TATDN1: variants seen among roughly 807,000 people sequenced by gnomAD.
TATDN1 encodes TatD DNase domain containing 1.
In TATDN1, 40 loss-of-function variants were observed where a neutral mutation model predicts 46.4. That is an observed-to-expected ratio of 0.86 (90% CI 0.67 to 1.12). TATDN1 has a LOEUF of 1.12. Ranked by LOEUF, TATDN1 falls within the 50% of genes most tolerant of loss-of-function variation. The pLI, the probability that TATDN1 is intolerant of heterozygous loss-of-function variation, is 0.00. For synonymous variants in TATDN1, 95 were observed against 105.6 expected (o/e 0.90, Z 0.62); for missense variants, 326 against 348.4 (o/e 0.94, Z 0.51).
chr8:124,533,784 C>A (rs1423407463), intron 1 of TATDN1, among the ~76,000 whole-genome samples: 1 of 151,838 alleles, frequency 6.6e-6, no homozygotes, highest in Non-Finnish European at 1.5e-5. Flanking sequence ...GTTTAGGGGG[C>A]TTAGAATTTT....
intron 1 of TATDN1, among the ~76,000 whole-genome samples, chr8:124,526,277 G>A (rs1487817103): frequency 1.3e-5 from 2 of 152,318 alleles, no homozygotes; most frequent in South Asian, 2.1e-4. Context: ...GTCCTCAACT[G>A]TTGTGCTTGA....
intron 1 of TATDN1, chr8:124,523,524 C>CT (rs1464255874): frequency 3.3e-5 from 5 of 152,220 alleles, no homozygotes; most frequent in African/African-American, 1.2e-4. Context: ...TCTCTGGGAT[C>CT]TGGATCTGCA....
chr8:124,504,212 G>T, intron 9 of TATDN1, 59 bp downstream of exon 9: 1 of 1,262,116 alleles, frequency 7.9e-7, no homozygotes, highest in Non-Finnish European at 1.1e-6. Context: ...TTCACTGTAA[G>T]ACAATTTAAG....
chr8:124,495,335 A>C (rs1239643431), intron 10 of TATDN1, 137 bp downstream of exon 10: 1 of 677,002 alleles, frequency 1.5e-6, no homozygotes, highest in Admixed American at 3.3e-5. Flanking sequence ...GATCTTCTGG[A>C]AAACATAATT....
rs1819432930 is a variant in TATDN1 at position 124,515,953 on chromosome 8, TTAAG to T, written c.276_279del (p.Tyr92Ter). ...TTTTCAGCAAGATTTAGCAACTCCT[TTAAG>T]TAAAGATCAGGGTTATTCTTTTCAA... is the stretch of plus-strand genomic sequence containing the variant. On this transcript the variant is annotated frameshift_variant, in exon 5 of 12. Coordinates refer to ENST00000276692, the MANE Select transcript of TATDN1 (RefSeq NM_032026.4). LOFTEE classifies it high-confidence loss of function. The T allele has an allele frequency of 6.2e-7, 1 of 1,613,878 alleles. No homozygotes were observed. The highest frequency in any genetic ancestry group is 1.3e-5 in the African/African-American group (1 of 74,918).
intron 4 of TATDN1, among the ~76,000 whole-genome samples, chr8:124,518,297 G>T (rs1819698632): frequency 1.3e-5 from 2 of 150,960 alleles, no homozygotes; most frequent in South Asian, 4.2e-4. Flanking sequence ...GGCTGAGGCG[G>T]GTGGATCACG....
rs186768037 is a variant in TATDN1 at position 124,534,062 on chromosome 8, C to T, written c.22+4963G>A. ...TCGGGAGGCTGAGGCAGGAGAATGG[C>T]GTGAACCTGGGAGGCGGAGCTTGCA... is the stretch of plus-strand genomic sequence containing the variant. On this transcript the variant is annotated intron_variant, in intron 1 of 11. Transcript: ENST00000276692. Among the ~76,000 whole-genome samples, 279 of 137,116 alleles carry T rather than the reference C, an allele frequency of 2.0e-3. 4 individuals carry two copies. The East Asian group carries it at 0.023, about 11-fold the overall frequency. 90.0% of individuals were successfully genotyped at this position (137,116 alleles called of 152,430 possible).
chr8:124,528,311 C>CT (rs1820676075), intron 1 of TATDN1, among the ~76,000 whole-genome samples: 1 of 151,992 alleles, frequency 6.6e-6, no homozygotes, highest in African/African-American at 2.4e-5. Flanking sequence ...GTAGCTGAGA[C>CT]TACAGGCGCC....
At chr8:124,522,251 C>T (rs763047172) in intron 2 of TATDN1, 51 bp from the exon 3 acceptor site, 1 of 1,058,710 alleles carries the variant, frequency 9.4e-7, no homozygotes, top group Non-Finnish European at 1.4e-6. Context: ...AAAAATTTGA[C>T]TTTTTTTTTT....
At position 124,500,777 on chromosome 8, in the gene TATDN1, C is replaced by T. The variant is rs1817895662; in HGVS notation, c.593+3494G>A. ...TTAAAAAAAAAAAAACAAAACCAAA[C>T]TTACAGGGAGAAAACCAGGATTTTT... On this transcript the variant is annotated intron_variant, in intron 9 of 11. Transcript: ENST00000276692. 3.4e-5 allele frequency among the ~76,000 whole-genome samples: 5 copies of T among 145,918 alleles called. No individual in the cohort carries two copies. The South Asian group carries it at 1.1e-3, about 32-fold the overall frequency.
intron 1 of TATDN1, among the ~76,000 whole-genome samples, chr8:124,525,578 A>C (rs549241151): frequency 2.0e-5 from 3 of 152,342 alleles, no homozygotes; most frequent in East Asian, 3.9e-4. Context: ...TCCTTCCAGC[A>C]ACAAAATGTG....
rs548738831 is a variant in TATDN1 at position 124,503,616 on chromosome 8, C to T, written c.593+655G>A. Reference sequence around the variant, plus strand: ...AAGGGTATGAGACAATGAAGAAGGACAGAAACTCCTATACTATTTTGCAAC... The same window carrying T: ...AAGGGTATGAGACAATGAAGAAGGATAGAAACTCCTATACTATTTTGCAAC... On this transcript the variant is annotated intron_variant, in intron 9 of 11. Transcript: ENST00000276692. 2.0e-5 allele frequency among the ~76,000 whole-genome samples: 3 copies of T among 152,268 alleles called. No homozygotes were observed. The South Asian group carries it at 6.2e-4, about 32-fold the overall frequency.
intron 4 of TATDN1, 52 bp from the exon 5 acceptor site, chr8:124,516,082 ATATT>A (rs1819446631): frequency 7.0e-7 from 1 of 1,429,898 alleles, no homozygotes; most frequent in African/African-American, 1.4e-5. Flanking sequence ...TCTCATATTT[ATATT>A]TATTATGATA....
intron 6 of TATDN1, among the ~76,000 whole-genome samples, chr8:124,510,169 T>C (rs1049662557): frequency 2.6e-5 from 4 of 152,202 alleles, no homozygotes; most frequent in Non-Finnish European, 5.9e-5. Context: ...GCAAAAATAT[T>C]TTCCTTTCAT....
intron 1 of TATDN1, among the ~76,000 whole-genome samples, chr8:124,529,284 T>C (rs981622759): frequency 6.6e-6 from 1 of 152,338 alleles, no homozygotes; most frequent in South Asian, 2.1e-4. Flanking sequence ...TGACTAATAG[T>C]GGCAAAGACT....
Position 124,499,930 on chromosome 8 carries a change from C to T in TATDN1, c.593+4341G>A, listed in dbSNP as rs538838787. On this transcript the variant is annotated intron_variant, in intron 9 of 11. Transcript: ENST00000276692. ...CATGATTTCGGCTCACTGAAACCTC[C>T]GCCTCCTGGGTTCAAACGATTCTCC... is the stretch of plus-strand genomic sequence containing the variant. 4.6e-5 allele frequency among the ~76,000 whole-genome samples: 7 copies of T among 151,558 alleles called. No individual in the cohort carries two copies. The East Asian group carries it at 5.8e-4, about 13-fold the overall frequency.
rs1338432047 is a variant in TATDN1, at chr8:124,535,710, A to G, written c.22+3315T>C. 4.1e-4 allele frequency among the ~76,000 whole-genome samples: 62 copies of G among 152,236 alleles called. 1 individual carries two copies. Among genetic ancestry groups the G allele is most frequent in the Admixed American group, 4.1e-3 (62 of 15,288 alleles). ...TGTATTAATCTGCTTTTGCATTGCT[A>G]TAAAGGAATACCTGAGACTGGGTGA... On this transcript the variant is annotated intron_variant, in intron 1 of 11. Coordinates refer to ENST00000276692, the MANE Select transcript of TATDN1 (RefSeq NM_032026.4).
chr8:124,512,603 T>G (rs181941143), intron 6 of TATDN1, among the ~76,000 whole-genome samples: 1 of 152,282 alleles, frequency 6.6e-6, no homozygotes, highest in East Asian at 1.9e-4. Flanking sequence ...TCCCTCTGTA[T>G]TAAATATTCA....
Position 124,515,741 on chromosome 8 carries a change from C to T in TATDN1, c.389+5G>A, listed in dbSNP as rs375435318. 1.6e-5 allele frequency: 25 copies of T among 1,612,094 alleles called. No individual in the cohort carries two copies. The highest frequency in any genetic ancestry group is 2.2e-5 in the East Asian group (1 of 44,834). On this transcript the variant is annotated splice_donor_5th_base_variant and intron_variant, in intron 6 of 11. Coordinates refer to ENST00000276692, the MANE Select transcript of TATDN1 (RefSeq NM_032026.4). Reference sequence around the variant, plus strand: ...ATAATTTGTAAAGCCAACAAATTTCCTTACTTGAGTTGAGTATCTTTGGGA... The same window carrying T: ...ATAATTTGTAAAGCCAACAAATTTCTTTACTTGAGTTGAGTATCTTTGGGA...
Sources: gnomAD v4.1 joint callset for allele counts (sites outside exome capture counted in the v4.1 genomes callset) on GRCh38, gnomAD v4.1.1 for gene constraint, MANE v1.5 for transcripts, NCBI Gene and HGNC (gene_info 2026-07-23, HGNC 2026-07-21) for gene names.